The following ZNF578 variants were observed in gnomAD, a reference collection of about 807,000 sequenced individuals.
ZNF578 encodes the protein zinc finger protein 578.
A neutral mutation model predicts 8.3 loss-of-function variants in ZNF578; 8 were observed. That is an observed-to-expected ratio of 0.96 (90% CI 0.56 to 1.74). The LOEUF is 1.74. ZNF578 is among the 40% of genes most tolerant of loss of function. The probability of loss-of-function intolerance (pLI) is 0.00; values close to 1 mark genes in which losing one functional copy is unlikely to be tolerated. For synonymous variants in ZNF578, 206 were observed against 232.2 expected (o/e 0.89, Z 1.03); for missense variants, 726 against 707.5 (o/e 1.03, Z -0.30).
rs1292946055 is a variant in ZNF578, at chr19:52,514,555, G to T, written c.*2401G>T. Among the ~76,000 whole-genome samples the T allele has an allele frequency of 6.6e-6, 1 of 152,198 alleles. No homozygotes were observed. The highest frequency in any genetic ancestry group is 6.5e-5 in the Admixed American group (1 of 15,272). On this transcript the variant is annotated 3_prime_UTR_variant, in exon 6 of 6. Transcript: ENST00000421239. ...CTTATGTCATTTTTTAAAATCTTGA[G>T]CTGGGAGCTATTTATTGTGTGTTTC...
rs546451110 is a variant in ZNF578 at position 52,497,619 on chromosome 19, G to A, written c.-19-4208G>A. 2.6e-5 allele frequency among the ~76,000 whole-genome samples: 4 copies of A among 152,236 alleles called. No homozygotes were observed. In the South Asian group the frequency reaches 6.2e-4, roughly 24 times the overall value. On this transcript the variant is annotated intron_variant, in intron 3 of 5. Coordinates refer to ENST00000421239, the MANE Select transcript of ZNF578 (RefSeq NM_001099694.2). ...TTGAACATTTTAAAATTGTTTCTCT[G>A]TGAAATTGTGTTCAGTTTACATTGA...
intron 1 of ZNF578, chr19:52,454,698 A>G (rs2059233923): frequency 6.6e-6 from 1 of 152,238 alleles, no homozygotes; most frequent in African/African-American, 2.4e-5. Flanking sequence ...AGTCAGAAGT[A>G]GAGGTGAAAA....
chr19:52,494,703 C>T (rs2059379462), intron 3 of ZNF578, among the ~76,000 whole-genome samples: 1 of 152,178 alleles, frequency 6.6e-6, no homozygotes, highest in Admixed American at 6.5e-5. Context: ...CACTTGGAAT[C>T]CCTATTCAGC....
chr19:52,486,546 G>A (rs746524044), intron 2 of ZNF578, among the ~76,000 whole-genome samples: 4 of 152,166 alleles, frequency 2.6e-5, no homozygotes, highest in Non-Finnish European at 5.9e-5. Context: ...CATGAAGGAC[G>A]GCAAGGTAGG....
At position 52,515,736 on chromosome 19, in the gene ZNF578, T is replaced by A. The variant is rs534237741; in HGVS notation, c.*3582T>A. Among the ~76,000 whole-genome samples, 29 of 151,944 alleles carry A rather than the reference T, an allele frequency of 1.9e-4. No individual in the cohort carries two copies. Among genetic ancestry groups the A allele is most frequent in the African/African-American group, 6.8e-4 (28 of 41,470 alleles). On this transcript the variant is annotated 3_prime_UTR_variant, in exon 6 of 6. Transcript: ENST00000421239. ...GAGTGCGTGTCTGGGTGTGGCTTTT[T>A]TTTTTTTGAGGAGTGCCCAGTTGTG...
intron 2 of ZNF578, 102 bp downstream of exon 2, chr19:52,457,060 T>A (rs893992564): frequency 7.2e-5 from 11 of 152,808 alleles, no homozygotes; most frequent in African/African-American, 2.6e-4. Context: ...GGTTCCTGGC[T>A]TATAACCTCC....
chr19:52,508,662 G>A (rs1599916127), intron 5 of ZNF578, among the ~76,000 whole-genome samples: 2 of 151,862 alleles, frequency 1.3e-5, no homozygotes, highest in South Asian at 4.2e-4. Context: ...GAGTGTGGTG[G>A]TGAATGCCTG....
chr19:52,462,056 T>C (rs760825358), intron 2 of ZNF578, among the ~76,000 whole-genome samples: 2 of 152,216 alleles, frequency 1.3e-5, no homozygotes, highest in Non-Finnish European at 2.9e-5. Flanking sequence ...CAATCAATGA[T>C]GATTCCATAG....
At chr19:52,501,740 G>T in intron 3 of ZNF578, 87 bp from the exon 4 acceptor site, 2 of 1,403,356 alleles carry the variant, frequency 1.4e-6, no homozygotes, top group Non-Finnish European at 1.9e-6. Context: ...CTTTGTACAG[G>T]GTGATGTCTC....
intron 2 of ZNF578, among the ~76,000 whole-genome samples, chr19:52,469,124 C>T (rs2059284002): frequency 6.6e-6 from 1 of 151,482 alleles, no homozygotes; most frequent in African/African-American, 2.4e-5. Context: ...CTATAGAGAA[C>T]CCTGACTAAT....
At position 52,511,296 on chromosome 19, in the gene ZNF578, T is replaced by C. The variant is rs754339309; in HGVS notation, c.915T>C (p.His305=). The stretch of plus-strand genomic sequence containing the variant: ...GTTACAAGTCATCCCTGACATGCCA[T>C]CGTAGATGTCACACTGGTGAGAAAC... ...SFSYKSSLTC[H]RRCHTGEKPY... is the part of the protein sequence containing the mutation. Residue 305 remains histidine, a synonymous_variant, in exon 6 of 6, where the codon CAT becomes CAC. Transcript: ENST00000421239. 1 of 1,614,102 alleles carries C rather than the reference T, an allele frequency of 6.2e-7. No homozygotes were observed. Among genetic ancestry groups the C allele is most frequent in the Non-Finnish European group, 8.5e-7 (1 of 1,180,006 alleles).
intron 2 of ZNF578, among the ~76,000 whole-genome samples, chr19:52,479,542 CAAAA>C (rs34862610): frequency 3.1e-5 from 2 of 64,254 alleles, no homozygotes; most frequent in Admixed American, 3.3e-4. Context: ...GACTCCATCT[CAAAA>C]AAAAAAAAAA....
At position 52,504,694 on chromosome 19, in the gene ZNF578, T is replaced by C. The variant is rs367583652; in HGVS notation, c.103T>C (p.Leu35=). The C allele has an allele frequency of 8.1e-5, 131 of 1,614,018 alleles. No homozygotes were observed. The highest frequency in any genetic ancestry group is 1.0e-4 in the Non-Finnish European group (120 of 1,180,020). ...CAGGGATGTGGCTATAGAATTCTCA[T>C]TGGCAGAGTGGAAATTCCTGAACCC... is the stretch of plus-strand genomic sequence containing the variant. ...TFRDVAIEFS[L]AEWKFLNPAQ... is the part of the protein sequence containing the mutation. The change falls in exon 5 of 6, where the codon TTG becomes CTG. Residue 35 remains leucine, a synonymous_variant. Transcript: ENST00000421239.
At position 52,503,731 on chromosome 19, in the gene ZNF578, A is replaced by G. The variant is rs546320591; in HGVS notation, c.64-924A>G. On this transcript the variant is annotated intron_variant, in intron 4 of 5. Coordinates refer to ENST00000421239, the MANE Select transcript of ZNF578 (RefSeq NM_001099694.2). ...ACACCACTTGTATCTTAGCTCATCT[A>G]GAGACTAAATATCAGCTCGTATGTT... Among the ~76,000 whole-genome samples, 243 of 151,896 alleles carry G rather than the reference A, an allele frequency of 1.6e-3. 3 individuals are homozygous for G. Among genetic ancestry groups the G allele is most frequent in the African/African-American group, 5.3e-3 (219 of 41,424 alleles).
In ZNF578 at chr19:52,501,925, C is replaced by T. The variant is rs371554282; in HGVS notation, c.63+17C>T. On this transcript the variant is annotated intron_variant, in intron 4 of 5. Coordinates refer to ENST00000421239, the MANE Select transcript of ZNF578 (RefSeq NM_001099694.2). Reference sequence around the variant, plus strand: ...CTTCCTCAGGTGAAGTGATATTCCTCTGTGGATTAATCTGTCTCTTTCCTT... The same window carrying T: ...CTTCCTCAGGTGAAGTGATATTCCTTTGTGGATTAATCTGTCTCTTTCCTT... The T allele has an allele frequency of 1.2e-6, 2 of 1,611,242 alleles. No homozygotes were observed. Among genetic ancestry groups the T allele is most frequent in the Non-Finnish European group, 8.5e-7 (1 of 1,179,306 alleles).
In ZNF578 at chr19:52,472,163, G is replaced by T. The variant is rs963446961; in HGVS notation, c.-122+15205G>T. 2.6e-5 allele frequency among the ~76,000 whole-genome samples: 4 copies of T among 152,258 alleles called. No homozygotes were observed. In the South Asian group the frequency reaches 8.3e-4, roughly 32 times the overall value. On this transcript the variant is annotated intron_variant, in intron 2 of 5. Transcript: ENST00000421239. ...CCCAGCACTTTGGGAGGCTAAGGCGGGTAGATCACCTGAGGCCATGAGTTC... is the reference window on the plus strand; with the variant it reads ...CCCAGCACTTTGGGAGGCTAAGGCGTGTAGATCACCTGAGGCCATGAGTTC...
At chr19:52,485,357 G>A (rs2059341256) in intron 2 of ZNF578, among the ~76,000 whole-genome samples, 1 of 152,170 alleles carries the variant, frequency 6.6e-6, no homozygotes. Context: ...TTTGCAAATA[G>A]AGCTTTTGTG....
chr19:52,486,244 A>C (rs1568460742), intron 2 of ZNF578, among the ~76,000 whole-genome samples: 1 of 152,102 alleles, frequency 6.6e-6, no homozygotes, highest in Admixed American at 6.6e-5. Flanking sequence ...TTTGTTCACA[A>C]GTTTTCCTGC....
chr19:52,481,626 G>A (rs112921611), intron 2 of ZNF578, among the ~76,000 whole-genome samples: 4,284 of 152,260 alleles, frequency 0.028, 189 homozygotes, highest in African/African-American at 0.097. Flanking sequence ...CAAGGACAGT[G>A]ACTTATGCAG....
Sources: allele counts gnomAD v4.1 joint callset (sites outside exome capture counted in the v4.1 genomes callset), GRCh38; gene constraint gnomAD v4.1.1; transcripts MANE v1.5; gene names NCBI Gene and HGNC (gene_info 2026-07-23, HGNC 2026-07-21).